QTRT2: variants seen among roughly 807,000 people sequenced by gnomAD.
QTRT2 encodes queuine tRNA-ribosyltransferase domain containing 1.
QTRT2 carries 32 observed loss-of-function variants against 44.8 expected under a neutral mutation model. The observed-to-expected ratio is 0.71, with a 90% CI of 0.54 to 0.96. QTRT2 has a LOEUF of 0.96. Among genes scored for constraint, QTRT2 ranks in the 40% least tolerant of loss-of-function variants. The pLI, the probability that QTRT2 is intolerant of heterozygous loss-of-function variation, is 0.00. For missense variants in QTRT2, 461 were observed against 503.1 expected (o/e 0.92, Z 0.80); for synonymous variants, 182 against 187.4 (o/e 0.97, Z 0.24).
chr3:114,064,258 C>T (rs1261400481), intron 2 of QTRT2, among the ~76,000 whole-genome samples: 1 of 152,008 alleles, frequency 6.6e-6, no homozygotes, highest in Non-Finnish European at 1.5e-5. Flanking sequence ...ATTGGATCCT[C>T]TCTGATAGCT....
At chr3:114,068,652 T>G (rs2076985341) in intron 5 of QTRT2, among the ~76,000 whole-genome samples, 1 of 152,250 alleles carries the variant, frequency 6.6e-6, no homozygotes, top group Non-Finnish European at 1.5e-5. Flanking sequence ...CTGCACTCAC[T>G]TTATTAATGT....
Position 114,086,089 on chromosome 3 carries a change from A to C in QTRT2, c.*185A>C. 1 of 574,034 alleles carries C rather than the reference A, an allele frequency of 1.7e-6. No individual in the cohort carries two copies. The highest frequency in any genetic ancestry group is 3.0e-5 in the Admixed American group (1 of 33,582). 35.6% of individuals were successfully genotyped at this position (574,034 alleles called of 1,614,324 possible). On this transcript the variant is annotated 3_prime_UTR_variant, in exon 10 of 10. Coordinates refer to ENST00000281273, the MANE Select transcript of QTRT2 (RefSeq NM_024638.4). ...TGAAGAGATTTCCTCAAAAGACTTA[A>C]ATGACCTGGATTGATCAGAGAGAAT...
At chr3:114,079,789 C>T (rs1207818952) in intron 7 of QTRT2, 117 bp from the exon 8 acceptor site, 1 of 962,636 alleles carries the variant, frequency 1.0e-6, no homozygotes, top group Non-Finnish European at 1.6e-6. Context: ...GCCACTCTAA[C>T]CATGATTGGT....
intron 5 of QTRT2, among the ~76,000 whole-genome samples, chr3:114,068,765 T>C (rs1207490297): frequency 6.6e-6 from 1 of 152,204 alleles, no homozygotes; most frequent in Non-Finnish European, 1.5e-5. Flanking sequence ...GAAAATACTT[T>C]GGCTGGGTAT....
chr3:114,070,428 G>A (rs1244123985), intron 5 of QTRT2, among the ~76,000 whole-genome samples, 198 bp from the exon 6 acceptor site: 1 of 151,940 alleles, frequency 6.6e-6, no homozygotes, highest in Non-Finnish European at 1.5e-5. Context: ...ATTCTTGGTG[G>A]GTAGCTCAAA....
chr3:114,062,011 T>TA (rs35348583), intron 2 of QTRT2, among the ~76,000 whole-genome samples: 38,325 of 135,726 alleles, frequency 0.28, 5,353 homozygotes, highest in Middle Eastern at 0.38. Flanking sequence ...CAGGATATTC[T>TA]AAAAAAAAAA....
At chr3:114,085,583 C>A in intron 9 of QTRT2, 90 bp from the exon 10 acceptor site, 1 of 1,065,192 alleles carries the variant, frequency 9.4e-7, no homozygotes, top group Non-Finnish European at 1.5e-6. Context: ...TTATTAACCA[C>A]TGGTAACTTT....
chr3:114,083,018 A>G (rs2077187120), intron 9 of QTRT2: 2 of 503,298 alleles, frequency 4.0e-6, no homozygotes, highest in African/African-American at 3.9e-5. Context: ...TGATTGCTTT[A>G]GAAAAGCTGA....
At chr3:114,074,058 G>A (rs2077058377) in intron 6 of QTRT2, among the ~76,000 whole-genome samples, 1 of 152,190 alleles carries the variant, frequency 6.6e-6, no homozygotes, top group African/African-American at 2.4e-5. Flanking sequence ...AGGTGGTCGG[G>A]TGCAGCAAGA....
At chr3:114,073,759 G>GCC (rs35712064) in intron 6 of QTRT2, among the ~76,000 whole-genome samples, 132 of 151,788 alleles carry the variant, frequency 8.7e-4, no homozygotes, top group Admixed American at 2.0e-3. Context: ...TATTAATAGT[G>GCC]CCCCCCCATT....
chr3:114,067,859 A>G, intron 4 of QTRT2, 128 bp from the exon 5 acceptor site: 1 of 696,170 alleles, frequency 1.4e-6, no homozygotes, highest in Non-Finnish European at 2.6e-6. Flanking sequence ...CCAAGTTCAG[A>G]TACAACCTAT....
chr3:114,066,747 G>A (rs1022899519), intron 4 of QTRT2, among the ~76,000 whole-genome samples: 1 of 152,166 alleles, frequency 6.6e-6, no homozygotes, highest in Non-Finnish European at 1.5e-5. Flanking sequence ...AGGAGTGGGA[G>A]CCCAGACAGG....
At chr3:114,076,338 G>T (rs1031951397) in intron 6 of QTRT2, among the ~76,000 whole-genome samples, 3 of 151,892 alleles carry the variant, frequency 2.0e-5, no homozygotes, top group Non-Finnish European at 2.9e-5. Flanking sequence ...AGCTAATTTT[G>T]TTTTTTTATT....
chr3:114,082,620 C>T, intron 8 of QTRT2, 57 bp from the exon 9 acceptor site: 2 of 619,468 alleles, frequency 3.2e-6, no homozygotes, highest in Non-Finnish European at 5.6e-6. Flanking sequence ...AAAATGTTTC[C>T]AATGGCCACT....
chr3:114,062,782 A>C (rs1454307356), intron 2 of QTRT2, among the ~76,000 whole-genome samples: 1 of 152,238 alleles, frequency 6.6e-6, no homozygotes, highest in African/African-American at 2.4e-5. Flanking sequence ...GAGATAATAA[A>C]AGTAACATTC....
chr3:114,083,030 A>T, intron 9 of QTRT2: 1 of 484,276 alleles, frequency 2.1e-6, no homozygotes. Context: ...AAAAGCTGAC[A>T]GAAAGATTAA....
intron 2 of QTRT2, among the ~76,000 whole-genome samples, chr3:114,062,477 A>G (rs896213889): frequency 6.6e-6 from 1 of 152,122 alleles, no homozygotes; most frequent in African/African-American, 2.4e-5. Flanking sequence ...GACTGATTAC[A>G]ATAAAATGGC....
At chr3:114,078,022 G>A (rs1285740564) in intron 7 of QTRT2, 1 of 152,104 alleles carries the variant, frequency 6.6e-6, no homozygotes, top group African/African-American at 2.4e-5. Flanking sequence ...AAAGATCCAA[G>A]TACAACTTGG....
At chr3:114,067,931 T>C (rs775286454) in intron 4 of QTRT2, 56 bp from the exon 5 acceptor site, 20 of 1,483,676 alleles carry the variant, frequency 1.3e-5, no homozygotes, top group Non-Finnish European at 1.9e-5. Flanking sequence ...CCTGCTATAA[T>C]ACAGTGTCAT....
Sources: allele counts gnomAD v4.1 joint callset (sites outside exome capture counted in the v4.1 genomes callset), GRCh38; gene constraint gnomAD v4.1.1; transcripts MANE v1.5; gene names NCBI Gene and HGNC (gene_info 2026-07-23, HGNC 2026-07-21).